The following TENM2 variants were observed in gnomAD, a reference collection of about 807,000 sequenced individuals.
TENM2 encodes teneurin transmembrane protein 2, also known as teneurin-2.
In TENM2, 52 loss-of-function variants were observed where a neutral mutation model predicts 245.2. That is an observed-to-expected ratio of 0.21 (90% CI 0.17 to 0.27). The LOEUF (loss-of-function observed/expected upper bound fraction) is 0.27. Ranked by LOEUF, TENM2 falls within the 10% of genes least tolerant of loss-of-function variation. The pLI, the probability that TENM2 is intolerant of heterozygous loss-of-function variation, is 1.00. For missense variants in TENM2, 3,046 were observed against 3,666.8 expected, an observed-to-expected ratio of 0.83 and a Z score of 4.37; for synonymous variants, 1,363 against 1,438.9, an observed-to-expected ratio of 0.95 and a Z score of 1.19.
At chr5:167,989,383 A>G (rs1783501666) in intron 4 of TENM2, among the ~76,000 whole-genome samples, 1 of 152,010 alleles carries the variant, frequency 6.6e-6, no homozygotes, top group African/African-American at 2.4e-5. Flanking sequence ...GGTGGATAGG[A>G]GTTAGCTAGG....
intron 2 of TENM2, among the ~76,000 whole-genome samples, chr5:167,516,751 A>G (rs547069109): frequency 6.6e-6 from 1 of 152,272 alleles, no homozygotes; most frequent in East Asian, 1.9e-4. Flanking sequence ...TTCGCATCAT[A>G]TTCAAGAGGC....
At chr5:167,992,793 G>T (rs1489333878) in intron 4 of TENM2, 151 bp from the exon 7 acceptor site, 2 of 614,536 alleles carry the variant, frequency 3.3e-6, no homozygotes, top group East Asian at 2.8e-5. Context: ...TGTCATCATC[G>T]AATGTAATGT....
At chr5:167,038,494 G>A in the TENM2 span, among the ~76,000 whole-genome samples, 1 of 152,222 alleles carries the variant, frequency 6.6e-6, no homozygotes, top group East Asian at 1.9e-4. Flanking sequence ...AATGAACTGT[G>A]GAGTTGTTTA....
chr5:167,971,639 T>C (rs1283662178), intron 4 of TENM2, among the ~76,000 whole-genome samples: 1 of 152,144 alleles, frequency 6.6e-6, no homozygotes, highest in East Asian at 1.9e-4. Flanking sequence ...AGGCGAAGGT[T>C]GCAGTGAGCC....
the TENM2 span, among the ~76,000 whole-genome samples, chr5:167,170,968 C>T: frequency 7.2e-5 from 11 of 152,182 alleles, no homozygotes; most frequent in African/African-American, 2.4e-4. Flanking sequence ...TCTGGTTTCT[C>T]CTTCTCAGTA....
chr5:167,597,666 T>A (rs1428728531), intron 2 of TENM2, among the ~76,000 whole-genome samples: 1 of 152,228 alleles, frequency 6.6e-6, no homozygotes, highest in East Asian at 1.9e-4. Flanking sequence ...AATATATATG[T>A]GTAATTTTAT....
the TENM2 span, among the ~76,000 whole-genome samples, chr5:167,233,580 ATT>A: frequency 6.6e-6 from 1 of 152,198 alleles, no homozygotes; most frequent in African/African-American, 2.4e-5. Context: ...CTTTATTACA[ATT>A]AGGGAGAGTG....
the TENM2 span, among the ~76,000 whole-genome samples, chr5:167,214,881 G>C: frequency 6.6e-6 from 1 of 152,158 alleles, no homozygotes; most frequent in Non-Finnish European, 1.5e-5. Flanking sequence ...CCACAGCAGT[G>C]TATTTTCATC....
intron 12 of TENM2, among the ~76,000 whole-genome samples, chr5:168,136,142 G>C (rs1296680206): frequency 6.6e-6 from 1 of 152,152 alleles, no homozygotes; most frequent in African/African-American, 2.4e-5. Flanking sequence ...GGTGACGTGA[G>C]AAGTTTTCAA....
intron 12 of TENM2, among the ~76,000 whole-genome samples, chr5:168,144,253 A>T (rs183918164): frequency 3.3e-5 from 5 of 152,066 alleles, no homozygotes; most frequent in Non-Finnish European, 4.4e-5. Context: ...ATATGTATAC[A>T]TGTGGCATGC....
chr5:167,347,592 G>A (rs893372860), intron 1 of TENM2, among the ~76,000 whole-genome samples: 12 of 152,028 alleles, frequency 7.9e-5, no homozygotes, highest in African/African-American at 2.9e-4. Context: ...AAATCTAATG[G>A]GGTACAAAGA....
intron 1 of TENM2, among the ~76,000 whole-genome samples, chr5:167,356,050 C>T (rs1759294901): frequency 6.6e-6 from 1 of 150,558 alleles, no homozygotes; most frequent in Non-Finnish European, 1.5e-5. Context: ...GGCATGATGG[C>T]GGGTGCCTGT....
rs1206034263 is a variant in TENM2, at chr5:168,170,130, A to G, written c.2569+7373A>G. On this transcript the variant is annotated intron_variant, in intron 13 of 28. Transcript: ENST00000518659. ...AAATAAGATCTTTGACTTCCTGGGCATATTTGACTAGAGAATCTTCTGTTT... is the reference window on the plus strand; with the variant it reads ...AAATAAGATCTTTGACTTCCTGGGCGTATTTGACTAGAGAATCTTCTGTTT... Among the ~76,000 whole-genome samples the G allele has an allele frequency of 2.0e-5, 3 of 152,188 alleles. 1 individual carries two copies. The highest frequency in any genetic ancestry group is 7.2e-5 in the African/African-American group (3 of 41,434).
chr5:168,123,134 A>AT (rs1562187040), intron 10 of TENM2, among the ~76,000 whole-genome samples: 1,691 of 140,730 alleles, frequency 0.012, 32 homozygotes, highest in African/African-American at 0.042. Context: ...CCATTTCTAG[A>AT]GAAAAAAAAA....
At chr5:167,551,892 T>C (rs543554338) in intron 2 of TENM2, among the ~76,000 whole-genome samples, 1 of 152,164 alleles carries the variant, frequency 6.6e-6, no homozygotes, top group African/African-American at 2.4e-5. Flanking sequence ...CAAGTTGGTG[T>C]TGACTTCTAG....
In TENM2 at chr5:168,188,982, A is replaced by T. The variant is rs1342375986; in HGVS notation, c.2570-1355A>T. On this transcript the variant is annotated intron_variant, in intron 13 of 28. Coordinates refer to ENST00000518659, the Ensembl canonical transcript of TENM2. ...AAACATTTATTTCTCGCAGTCCTGG[A>T]GGCTGGGAAGTCCAAGATCAAGGCA... is the stretch of plus-strand genomic sequence containing the variant. Among the ~76,000 whole-genome samples the T allele has an allele frequency of 2.0e-5, 3 of 152,308 alleles. No individual in the cohort carries two copies. In the East Asian group the frequency reaches 5.8e-4, roughly 29 times the overall value.
chr5:167,664,186 A>G (rs901053263), intron 2 of TENM2, among the ~76,000 whole-genome samples: 1 of 152,170 alleles, frequency 6.6e-6, no homozygotes, highest in Non-Finnish European at 1.5e-5. Flanking sequence ...CTGAGTCAAG[A>G]CCACTTTGAT....
chr5:167,517,874 C>G (rs958023161), intron 2 of TENM2, among the ~76,000 whole-genome samples: 1 of 151,924 alleles, frequency 6.6e-6, no homozygotes, highest in African/African-American at 2.4e-5. Flanking sequence ...GAGAGAGAGT[C>G]AGATCTTCCC....
chr5:167,898,589 G>A (rs988544834), intron 3 of TENM2, among the ~76,000 whole-genome samples: 8 of 152,196 alleles, frequency 5.3e-5, no homozygotes, highest in African/African-American at 1.9e-4. Flanking sequence ...TCATATGGAA[G>A]CAAGTGTAAG....
Sources: gnomAD v4.1 joint callset for allele counts (sites outside exome capture counted in the v4.1 genomes callset) on GRCh38, gnomAD v4.1.1 for gene constraint, MANE v1.5 for transcripts, NCBI Gene and HGNC (gene_info 2026-07-23, HGNC 2026-07-21) for gene names.